The following PKD1L1 variants were observed in gnomAD, a reference collection of about 807,000 sequenced individuals.
PKD1L1 encodes the protein polycystin-1-like protein 1.
Under a neutral mutation model 323.4 loss-of-function variants are expected in PKD1L1, and 236 were observed. The observed-to-expected ratio is 0.73, with a 90% confidence interval of 0.66 to 0.81. The LOEUF (loss-of-function observed/expected upper bound fraction) is 0.81. Among genes scored for constraint, PKD1L1 ranks in the 40% least tolerant of loss-of-function variants. The probability of loss-of-function intolerance (pLI) is 0.00; values close to 1 mark genes in which losing one functional copy is unlikely to be tolerated. For synonymous variants in PKD1L1, 1,344 were observed against 1,335.0 expected (o/e 1.01, Z -0.15); for missense variants, 3,320 against 3,508.0 (o/e 0.95, Z 1.35).
intron 55 of PKD1L1, among the ~76,000 whole-genome samples, chr7:47,793,553 G>A (rs1466500631): frequency 1.2e-4 from 18 of 152,282 alleles, no homozygotes; most frequent in Admixed American, 9.8e-4. Context: ...CAGCCATGTG[G>A]AACTGTAAGT....
At chr7:47,876,435 C>A (rs917676134) in intron 22 of PKD1L1, among the ~76,000 whole-genome samples, 6 of 152,044 alleles carry the variant, frequency 3.9e-5, no homozygotes, top group Admixed American at 1.3e-4. Context: ...TCGAACAACA[C>A]TGAGATTCCC....
chr7:47,860,659 G>A (rs1177279355), intron 26 of PKD1L1, among the ~76,000 whole-genome samples: 2 of 152,150 alleles, frequency 1.3e-5, no homozygotes, highest in Admixed American at 6.5e-5. Context: ...AATTAAACAA[G>A]TGCTTTAAAG....
At chr7:47,906,692 CA>C (rs1235493908) in intron 9 of PKD1L1, among the ~76,000 whole-genome samples, 2 of 152,078 alleles carry the variant, frequency 1.3e-5, no homozygotes, top group Non-Finnish European at 2.9e-5. Context: ...TGTTCTTCTG[CA>C]TAATTTTCTC....
At chr7:47,782,965 T>C (rs957894358) in intron 56 of PKD1L1, among the ~76,000 whole-genome samples, 1 of 152,196 alleles carries the variant, frequency 6.6e-6, no homozygotes, top group African/African-American at 2.4e-5. Context: ...GGTGTTGTGC[T>C]GGTGACATGG....
At chr7:47,787,795 T>G (rs1786845545) in intron 56 of PKD1L1, among the ~76,000 whole-genome samples, 1 of 152,150 alleles carries the variant, frequency 6.6e-6, no homozygotes. Flanking sequence ...CACTGCAGCC[T>G]TGACCTCCTG....
intron 46 of PKD1L1, among the ~76,000 whole-genome samples, chr7:47,817,785 C>T (rs983997094): frequency 6.6e-6 from 1 of 151,862 alleles, no homozygotes; most frequent in East Asian, 1.9e-4. Flanking sequence ...CAGGAGAATT[C>T]CTTGAACCCG....
At chr7:47,845,113 G>C (rs1785638275) in intron 32 of PKD1L1, 35 bp from the exon 33 acceptor site, 1 of 1,566,488 alleles carries the variant, frequency 6.4e-7, no homozygotes, top group Admixed American at 1.7e-5. Context: ...TACAGAATGT[G>C]TGGAGAGAGC....
chr7:47,842,151 G>A (rs1785574856), intron 34 of PKD1L1, among the ~76,000 whole-genome samples: 1 of 152,178 alleles, frequency 6.6e-6, no homozygotes, highest in South Asian at 2.1e-4. Context: ...ACATTCCTAT[G>A]TGTATGCATT....
At chr7:47,953,787 C>G in the PKD1L1 span, among the ~76,000 whole-genome samples, 2 of 152,220 alleles carry the variant, frequency 1.3e-5, no homozygotes, top group African/African-American at 2.4e-5. Context: ...CTCACGAGGG[C>G]CCCTTATGTG....
chr7:47,783,420 A>G (rs1786740485), intron 56 of PKD1L1, among the ~76,000 whole-genome samples: 1 of 152,230 alleles, frequency 6.6e-6, no homozygotes, highest in Non-Finnish European at 1.5e-5. Context: ...TTTTTCAAAA[A>G]GCTAGAATTA....
At chr7:47,924,585 G>T (rs1162078195) in intron 7 of PKD1L1, among the ~76,000 whole-genome samples, 1 of 152,152 alleles carries the variant, frequency 6.6e-6, no homozygotes, top group East Asian at 1.9e-4. Context: ...CATTAGCAAA[G>T]TCCTAACCCC....
rs763332843 is a variant in PKD1L1 at position 47,884,620 on chromosome 7, T to C, written c.3243A>G (p.Ile1081Met). ...EAYYSDIQEA[I>M]PSGGRQPAKD... The stretch of plus-strand genomic sequence containing the variant: ...CACCTGGCTGTCTTCCTCCCGATGG[T>C]ATTGCTTCTTGAATGTCACTGTAAT... The change falls in exon 19 of 57, where the codon ATA becomes ATG. Residue 1081 changes from isoleucine to methionine, a missense_variant. By Grantham distance (10) the Ile-to-Met change is conservative. Transcript: ENST00000289672. 1 of 1,614,020 alleles carries C rather than the reference T, an allele frequency of 6.2e-7. No individual in the cohort carries two copies. Among genetic ancestry groups the C allele is most frequent in the Non-Finnish European group, 8.5e-7 (1 of 1,179,908 alleles).
rs80315095 is a variant in PKD1L1, at chr7:47,946,222, G to T, written c.44+2175C>A. Among the ~76,000 whole-genome samples the T allele has an allele frequency of 1.3e-5, 2 of 152,186 alleles. No individual in the cohort carries two copies. Among genetic ancestry groups the T allele is most frequent in the Admixed American group, 1.3e-4 (2 of 15,288 alleles). ...GTCTCTGAGGCATCATGTGCCTCAA[G>T]GGAACTAGTCGAGCCATTTGTTTGA... On this transcript the variant is annotated intron_variant, in intron 1 of 56. Transcript: ENST00000289672. The surrounding 1 kb of genome is among the most constrained non-coding windows in gnomAD (Gnocchi z 4.1).
chr7:47,910,395 C>A (rs1787294582), intron 8 of PKD1L1, among the ~76,000 whole-genome samples: 1 of 149,380 alleles, frequency 6.7e-6, no homozygotes, highest in African/African-American at 2.5e-5. Context: ...AGTGCAGTGG[C>A]ATGATCTTGG....
At chr7:47,896,362 G>A (rs190066501) in intron 14 of PKD1L1, among the ~76,000 whole-genome samples, 2,126 of 146,512 alleles carry the variant, frequency 0.015, 18 homozygotes, top group African/African-American at 0.031. Context: ...AAAGGAGTCC[G>A]TTCTGTCAGT....
In PKD1L1 at chr7:47,803,324, T is replaced by TC. The variant is rs1335974208; in HGVS notation, c.7847dup (p.Ile2617AsnfsTer93). ...TTAATGTGAAGAGGAATAAGAGGAT[T>TC]CCCCGGAGCCATCGAGCCCTCTGAG... On this transcript the variant is annotated frameshift_variant, in exon 53 of 57. Transcript: ENST00000289672. LOFTEE classifies it high-confidence loss of function. The TC allele has an allele frequency of 1.9e-6, 3 of 1,613,848 alleles. No individual in the cohort carries two copies. The highest frequency in any genetic ancestry group is 2.5e-6 in the Non-Finnish European group (3 of 1,179,976).
At chr7:47,824,538 G>T (rs1785205928) in intron 45 of PKD1L1, among the ~76,000 whole-genome samples, 1 of 152,002 alleles carries the variant, frequency 6.6e-6, no homozygotes, top group South Asian at 2.1e-4. Context: ...GGTTTATATG[G>T]TCAAATTTTT....
At chr7:47,836,479 A>G (rs1434404162) in intron 37 of PKD1L1, among the ~76,000 whole-genome samples, 1 of 152,188 alleles carries the variant, frequency 6.6e-6, no homozygotes, top group Admixed American at 6.5e-5. Flanking sequence ...ACTACATCTC[A>G]TGAGGAACAA....
In PKD1L1 at chr7:47,904,607, T is replaced by C. The variant is rs534287480; in HGVS notation, c.1702A>G (p.Met568Val). The C allele has an allele frequency of 2.5e-6, 4 of 1,611,772 alleles. No individual in the cohort carries two copies. The Admixed American group carries it at 6.7e-5, about 27-fold the overall frequency. ...RLSIPQWYRV[M>V]VKASNRMSSV... Reference sequence around the variant, plus strand: ...CTCATCCTGTTGGAAGCCTTAACCATCACACGATACCTGCAGGATGGGGAA... The same window carrying C: ...CTCATCCTGTTGGAAGCCTTAACCACCACACGATACCTGCAGGATGGGGAA... The change falls in exon 12 of 57, where the codon ATG becomes GTG. Residue 568 changes from methionine to valine, a missense_variant. Coordinates refer to ENST00000289672, the MANE Select transcript of PKD1L1 (RefSeq NM_138295.5).
Sources: gnomAD v4.1 joint callset for allele counts (sites outside exome capture counted in the v4.1 genomes callset) on GRCh38, gnomAD v4.1.1 for gene constraint, Gnocchi (gnomAD v3.1) non-coding constraint, MANE v1.5 for transcripts, NCBI Gene and HGNC (gene_info 2026-07-23, HGNC 2026-07-21) for gene names.